The following NPIPB2 variants were observed in gnomAD, a reference collection of about 807,000 sequenced individuals.
NPIPB2 encodes nuclear pore complex-interacting protein family member B2.
Under a neutral mutation model 30.8 loss-of-function variants are expected in NPIPB2, and 27 were observed. That is an observed-to-expected ratio of 0.88 (90% CI 0.65 to 1.21). The LOEUF (loss-of-function observed/expected upper bound fraction) is 1.21. NPIPB2 is among the 50% of genes most tolerant of loss of function. The pLI is 0.00. For missense variants in NPIPB2, 440 were observed against 446.2 expected (o/e 0.99, Z 0.13); for synonymous variants, 147 against 162.0 (o/e 0.91, Z 0.70).
intron 1 of NPIPB2, among the ~76,000 whole-genome samples, chr16:11,956,832 A>G (rs7195514): frequency 0.083 from 12,585 of 152,228 alleles, 793 homozygotes; most frequent in Admixed American, 0.18. Context: ...CTCCATGCTC[A>G]GTTGGCTTCA....
upstream of NPIPB2, among the ~76,000 whole-genome samples, chr16:11,944,725 C>A (rs1172609447): frequency 6.7e-5 from 6 of 89,498 alleles, 1 homozygote; most frequent in Admixed American, 3.4e-4. Context: ...ATGACACAGA[C>A]TCCGTGTCAA....
intron 1 of NPIPB2, among the ~76,000 whole-genome samples, chr16:11,970,175 C>T (rs1184042240): frequency 6.6e-6 from 1 of 151,508 alleles, no homozygotes; most frequent in Non-Finnish European, 1.5e-5. Context: ...ATGGTGAAAA[C>T]CTGTCTTGTC....
chr16:11,951,986 CG>C (rs1463504508), intron 1 of NPIPB2, among the ~76,000 whole-genome samples: 16 of 152,146 alleles, frequency 1.1e-4, no homozygotes, highest in African/African-American at 2.9e-4. Context: ...GGTGAAACCC[CG>C]ACTCTACTAA....
At chr16:11,961,680 T>C (rs1471311074) in intron 1 of NPIPB2, among the ~76,000 whole-genome samples, 2 of 150,436 alleles carry the variant, frequency 1.3e-5, no homozygotes, top group Non-Finnish European at 2.9e-5. Context: ...CTAGGGAGGC[T>C]GAGGCAAGAG....
chr16:11,963,175 T>G (rs902770218), intron 1 of NPIPB2, among the ~76,000 whole-genome samples: 23 of 151,648 alleles, frequency 1.5e-4, no homozygotes, highest in Non-Finnish European at 3.2e-4. Flanking sequence ...AGGTCAGGAG[T>G]TCGAAACCAG....
At position 11,933,462 on chromosome 16, in the gene NPIPB2, T is replaced by G. The variant is rs1034646503; in HGVS notation, c.488+55A>C. ...TATTCTCAAGGACTTTACAGTTGTCTACTTTGATTGGCACATGGTTCATAC... is the reference window on the plus strand; with the variant it reads ...TATTCTCAAGGACTTTACAGTTGTCGACTTTGATTGGCACATGGTTCATAC... On this transcript the variant is annotated intron_variant, in intron 4 of 7. Coordinates refer to ENST00000399147, the Ensembl canonical transcript of NPIPB2. 5.6e-6 allele frequency: 9 copies of G among 1,594,520 alleles called. No homozygotes were observed. The African/African-American group carries it at 1.1e-4, about 19-fold the overall frequency.
chr16:11,972,334 G>C (rs943013241), intron 1 of NPIPB2, among the ~76,000 whole-genome samples: 22 of 152,330 alleles, frequency 1.4e-4, no homozygotes, highest in African/African-American at 5.1e-4. Context: ...CCAGCACTAT[G>C]GGAGGCCGAG....
At chr16:11,928,035 A>C (rs1596486239) in intron 7 of NPIPB2, among the ~76,000 whole-genome samples, 156 bp from the exon 8 acceptor site, 2 of 92,254 alleles carry the variant, frequency 2.2e-5, no homozygotes, top group Middle Eastern at 4.4e-3. Context: ...TCATAATATC[A>C]CCCTTCCACT....
At chr16:11,947,103 A>G (rs1029146333) in intron 1 of NPIPB2, among the ~76,000 whole-genome samples, 7 of 146,554 alleles carry the variant, frequency 4.8e-5, no homozygotes, top group Non-Finnish European at 1.0e-4. Context: ...ATAAAATTCA[A>G]TTATATATAT....
chr16:11,961,916 G>A (rs184265578), intron 1 of NPIPB2, among the ~76,000 whole-genome samples: 7 of 151,922 alleles, frequency 4.6e-5, no homozygotes, highest in Admixed American at 4.6e-4. Context: ...AAGACTGACA[G>A]TGGCTGGGCA....
chr16:11,973,003 G>T (rs2055245105), intron 1 of NPIPB2, among the ~76,000 whole-genome samples: 2 of 151,044 alleles, frequency 1.3e-5, no homozygotes, highest in Admixed American at 1.3e-4. Flanking sequence ...TCTACTAAAA[G>T]TATAAAATTA....
rs774729518 is a variant in NPIPB2 at position 11,965,278 on chromosome 16, C to G, written c.-584+11290G>C. The G allele has an allele frequency of 4.3e-6, 7 of 1,611,376 alleles. No individual in the cohort carries two copies. The South Asian group carries it at 7.7e-5, about 18-fold the overall frequency. On this transcript the variant is annotated intron_variant, in intron 1 of 5. Transcript: ENST00000538896. Reference sequence around the variant, plus strand: ...AATTCTTGTAGAGATATTACTTGTCCTTCCAGGCTGTTCTTTCTGTAGCTC... The same window carrying G: ...AATTCTTGTAGAGATATTACTTGTCGTTCCAGGCTGTTCTTTCTGTAGCTC...
At chr16:11,976,637 GCGGTTTACGTTCC>G (rs2055303680), upstream of NPIPB2, 4 of 397,490 alleles carry the variant, frequency 1.0e-5, no homozygotes, top group Non-Finnish European at 1.7e-5. Context: ...GATCTGCGCC[GCGGTTTACGTTCC>G]GGGTCGGCGG....
At chr16:11,970,021 C>A (rs1745603348) in intron 1 of NPIPB2, among the ~76,000 whole-genome samples, 1 of 151,818 alleles carries the variant, frequency 6.6e-6, no homozygotes, top group African/African-American at 2.4e-5. Context: ...GCCACCACAC[C>A]CGGCCTATAC....
intron 1 of NPIPB2, chr16:11,965,358 G>T: frequency 6.2e-7 from 1 of 1,614,154 alleles, no homozygotes. Flanking sequence ...CTCCCAAAAT[G>T]AATATTTTGA....
At chr16:11,960,872 C>CT (rs561398049) in intron 1 of NPIPB2, among the ~76,000 whole-genome samples, 2,412 of 143,778 alleles carry the variant, frequency 0.017, 30 homozygotes, top group African/African-American at 0.037. Flanking sequence ...TCTTTCTTTT[C>CT]TTTTTTTTTT....
intron 1 of NPIPB2, among the ~76,000 whole-genome samples, chr16:11,974,160 G>C (rs996340419): frequency 3.9e-5 from 6 of 152,114 alleles, no homozygotes; most frequent in Admixed American, 1.3e-4. Context: ...CAGTCCAGCA[G>C]GTCAAAATGC....
chr16:11,966,140 G>T, intron 1 of NPIPB2: 2 of 1,488,564 alleles, frequency 1.3e-6, no homozygotes, highest in Non-Finnish European at 1.8e-6. Context: ...TAACAATAAA[G>T]TATGTGAATA....
chr16:11,973,975 G>A (rs957823163), intron 1 of NPIPB2, among the ~76,000 whole-genome samples: 1 of 152,128 alleles, frequency 6.6e-6, no homozygotes, highest in Admixed American at 6.6e-5. Flanking sequence ...ATTCTGAGAG[G>A]GTCTTTATCT....
Sources: allele counts gnomAD v4.1 joint callset (sites outside exome capture counted in the v4.1 genomes callset), GRCh38; gene constraint gnomAD v4.1.1; transcripts MANE v1.5; gene names NCBI Gene and HGNC (gene_info 2026-07-23, HGNC 2026-07-21).